BAZ1A: variants seen among roughly 807,000 people sequenced by gnomAD.
BAZ1A encodes the protein bromodomain adjacent to zinc finger domain protein 1A.
BAZ1A carries 50 observed loss-of-function variants against 185.2 expected under a neutral mutation model. The observed-to-expected ratio is 0.27, with a 90% CI of 0.22 to 0.34. BAZ1A has a LOEUF of 0.34. BAZ1A is among the 10% of genes least tolerant of loss of function. The probability of loss-of-function intolerance (pLI) is 1.00; values close to 1 mark genes in which losing one functional copy is unlikely to be tolerated. For synonymous variants in BAZ1A, 571 were observed against 615.6 expected (o/e 0.93, Z 1.07); for missense variants, 1,356 against 1,839.9 (o/e 0.74, Z 4.81).
chr14:34,857,003 CT>C (rs980521197), intron 3 of BAZ1A, among the ~76,000 whole-genome samples: 1 of 150,068 alleles, frequency 6.7e-6, no homozygotes, highest in Non-Finnish European at 1.5e-5. Flanking sequence ...GCTTCTGCAT[CT>C]TTTTTCTTTT....
chr14:34,848,782 A>T (rs1325641699), intron 3 of BAZ1A, among the ~76,000 whole-genome samples: 1 of 152,202 alleles, frequency 6.6e-6, no homozygotes, highest in Non-Finnish European at 1.5e-5. Context: ...AAACCTAGCT[A>T]TAAATGAAAC....
chr14:34,824,934 G>A (rs1159996821), intron 4 of BAZ1A, among the ~76,000 whole-genome samples: 1 of 152,174 alleles, frequency 6.6e-6, no homozygotes, highest in Admixed American at 6.6e-5. Flanking sequence ...AGTCATTGAG[G>A]AGAACAGAAG....
intron 4 of BAZ1A, among the ~76,000 whole-genome samples, chr14:34,824,628 C>G (rs1292121004): frequency 6.6e-6 from 1 of 152,154 alleles, no homozygotes; most frequent in Admixed American, 6.6e-5. Context: ...GCACTTAGCA[C>G]AGTGCCTGAT....
rs139412537 is a variant in BAZ1A, at chr14:34,850,362, G to A, written c.392+11682C>T. Among the ~76,000 whole-genome samples, 537 of 152,160 alleles carry A rather than the reference G, an allele frequency of 3.5e-3. 5 individuals are homozygous for A. Among genetic ancestry groups the A allele is most frequent in the African/African-American group, 0.012 (508 of 41,516 alleles). The stretch of plus-strand genomic sequence containing the variant: ...CACTGCACTCCAGCCTGGGCAACAG[G>A]GCAAGACCCTGTCTCAAAAACAAAT... On this transcript the variant is annotated intron_variant, in intron 3 of 26. Transcript: ENST00000360310.
chr14:34,840,166 C>T (rs1025981103), intron 3 of BAZ1A, among the ~76,000 whole-genome samples: 2 of 152,054 alleles, frequency 1.3e-5, no homozygotes, highest in Non-Finnish European at 2.9e-5. Flanking sequence ...CTTGTTAGAT[C>T]TCATTGAAGT....
At position 34,836,150 on chromosome 14, in the gene BAZ1A, C is replaced by T. The variant is rs1334807126; in HGVS notation, c.393-9994G>A. On this transcript the variant is annotated intron_variant, in intron 3 of 26. Transcript: ENST00000360310. ...ATCCCAGCACTTTGGGAGGCCGAGG[C>T]GGGCGGATCACGAGGTCAGGAGATC... Among the ~76,000 whole-genome samples, 13 of 27,058 alleles carry T rather than the reference C, an allele frequency of 4.8e-4. 6 individuals are homozygous for T. 17.8% of individuals were successfully genotyped at this position (27,058 alleles called of 152,430 possible).
At chr14:34,780,661 G>T (rs770823249) in intron 16 of BAZ1A, among the ~76,000 whole-genome samples, 81 of 152,200 alleles carry the variant, frequency 5.3e-4, no homozygotes, top group African/African-American at 1.6e-3. Flanking sequence ...CAATGGCACA[G>T]AGCTCAAGAG....
In BAZ1A at chr14:34,773,688, A is replaced by G. The variant is rs1879391794; in HGVS notation, c.3036T>C (p.Ser1012=). The part of the protein sequence containing the change: ...DRHIWRSALE[S]GRYELLSEEN... ...CCTCACTTAACAGCTCATACCGTCCACTTTCTAATGCTGATCTCCAGATAT... is the reference window on the plus strand; with the variant it reads ...CCTCACTTAACAGCTCATACCGTCCGCTTTCTAATGCTGATCTCCAGATAT... The change falls in exon 20 of 27, where the codon AGT becomes AGC. Residue 1012 remains serine (S), a synonymous_variant. Coordinates refer to ENST00000360310, the MANE Select transcript of BAZ1A (RefSeq NM_013448.3). The G allele has an allele frequency of 2.5e-6, 4 of 1,613,684 alleles. No homozygotes were observed. The highest frequency in any genetic ancestry group is 2.2e-5 in the East Asian group (1 of 44,796).
intron 17 of BAZ1A, among the ~76,000 whole-genome samples, chr14:34,777,375 G>A (rs535213279): frequency 6.6e-6 from 1 of 152,230 alleles, no homozygotes; most frequent in Non-Finnish European, 1.5e-5. Flanking sequence ...CTGGCGCGGT[G>A]GCCCATGCCT....
At chr14:34,861,934 G>T (rs2042775028) in intron 3 of BAZ1A, 110 bp downstream of exon 3, 9 of 1,261,578 alleles carry the variant, frequency 7.1e-6, no homozygotes, top group Non-Finnish European at 1.0e-5. Flanking sequence ...TAACAGAATA[G>T]CTAGAGCATA....
At chr14:34,759,187 T>TTTTTG (rs1886412982) in intron 24 of BAZ1A, among the ~76,000 whole-genome samples, 1 of 137,086 alleles carries the variant, frequency 7.3e-6, no homozygotes, top group African/African-American at 2.8e-5. Context: ...TTTTTTTTTT[T>TTTTTG]TTTTTTTTTT....
At chr14:34,756,139 A>G (rs1407917549) in intron 25 of BAZ1A, among the ~76,000 whole-genome samples, 3 of 119,586 alleles carry the variant, frequency 2.5e-5, no homozygotes, top group African/African-American at 6.5e-5. Context: ...TTTGAGACAG[A>G]GTCTCACTCT....
intron 16 of BAZ1A, 80 bp from the exon 17 acceptor site, chr14:34,780,390 G>GTA: frequency 7.0e-7 from 1 of 1,425,596 alleles, no homozygotes; most frequent in Non-Finnish European, 9.5e-7. Context: ...TGCTTATGAA[G>GTA]TACCAGGCAT....
chr14:34,845,066 C>G (rs2042487115), intron 3 of BAZ1A, among the ~76,000 whole-genome samples: 1 of 152,002 alleles, frequency 6.6e-6, no homozygotes, highest in African/African-American at 2.4e-5. Context: ...GACCACAAAG[C>G]CTATGATATT....
Position 34,875,274 on chromosome 14 carries a change from G to T in BAZ1A, c.-195C>A, listed in dbSNP as rs1015180007. 3 of 455,270 alleles carry T rather than the reference G, an allele frequency of 6.6e-6. 1 individual carries two copies. Among genetic ancestry groups the T allele is most frequent in the South Asian group, 4.6e-5 (3 of 64,538 alleles). 28.2% of individuals were successfully genotyped at this position (455,270 alleles called of 1,614,324 possible). A position where few individuals can be genotyped will look rare whatever the true frequency, so the allele number is the denominator to read the frequency against. ...GCCGCTTCTCCCGCTGCCACTGCCC[G>T]ACTCCGCGCGGGGAATTGCGTCCCA... On this transcript the variant is annotated 5_prime_UTR_variant, in exon 1 of 27. Transcript: ENST00000360310.
chr14:34,846,843 T>C (rs1320914679), intron 3 of BAZ1A, among the ~76,000 whole-genome samples: 1 of 152,168 alleles, frequency 6.6e-6, no homozygotes, highest in Non-Finnish European at 1.5e-5. Context: ...CAGTTATCCC[T>C]ACCTGTGTAA....
chr14:34,800,136 A>G lies in BAZ1A; in HGVS notation c.1128+88T>C, dbSNP rs925488116. On this transcript the variant is annotated intron_variant, in intron 9 of 26. Transcript: ENST00000360310. ...TTCATAAATGTGAATGAAAGTAGTAAAAGCATTTAAAAATCAACCATGGAT... is the reference window on the plus strand; with the variant it reads ...TTCATAAATGTGAATGAAAGTAGTAGAAGCATTTAAAAATCAACCATGGAT... The G allele has an allele frequency of 1.4e-5, 17 of 1,179,384 alleles. No individual in the cohort carries two copies. The African/African-American group carries it at 2.1e-4, about 14-fold the overall frequency. The allele number at this position is 1,179,384 out of a possible 1,614,324, so 73.1% of individuals were successfully genotyped here.
At chr14:34,787,170 T>C (rs1298758911) in intron 12 of BAZ1A, among the ~76,000 whole-genome samples, 2 of 147,774 alleles carry the variant, frequency 1.4e-5, no homozygotes, top group Non-Finnish European at 3.0e-5. Flanking sequence ...TTGGCCAACA[T>C]GGTGAAACCC....
intron 18 of BAZ1A, among the ~76,000 whole-genome samples, chr14:34,774,957 G>A (rs1244236007): frequency 6.6e-6 from 1 of 152,228 alleles, no homozygotes; most frequent in African/African-American, 2.4e-5. Context: ...GCTCATGCCT[G>A]TAATCCCAGC....
Sources: gnomAD v4.1 joint callset for allele counts (sites outside exome capture counted in the v4.1 genomes callset) on GRCh38, gnomAD v4.1.1 for gene constraint, MANE v1.5 for transcripts, NCBI Gene and HGNC (gene_info 2026-07-23, HGNC 2026-07-21) for gene names.